NAALADL2: variants seen among roughly 807,000 people sequenced by gnomAD.
The protein encoded by NAALADL2 is inactive N-acetylated-alpha-linked acidic dipeptidase-like protein 2.
A neutral mutation model predicts 87.2 loss-of-function variants in NAALADL2; 76 were observed. The observed-to-expected ratio is 0.87, with a 90% CI of 0.72 to 1.05. The LOEUF is 1.05. Ranked by LOEUF, NAALADL2 falls within the 50% of genes least tolerant of loss-of-function variation. The pLI is 0.00. For synonymous variants in NAALADL2, 354 were observed against 331.0 expected (o/e 1.07, Z -0.75); for missense variants, 1,089 against 945.8 (o/e 1.15, Z -1.99).
chr3:175,237,532 C>T (rs1746110744), intron 3 of NAALADL2, among the ~76,000 whole-genome samples: 1 of 152,092 alleles, frequency 6.6e-6, no homozygotes, highest in African/African-American at 2.4e-5. Flanking sequence ...GAGTTGTATT[C>T]TCAGCATTTT....
At chr3:174,610,932 T>C (rs1036133467) in intron 2 of NAALADL2, among the ~76,000 whole-genome samples, 1 of 152,088 alleles carries the variant, frequency 6.6e-6, no homozygotes, top group Non-Finnish European at 1.5e-5. Flanking sequence ...CCAACAGTGA[T>C]AGACTGGATT....
At chr3:175,695,138 T>C (rs1419011321) in intron 11 of NAALADL2, among the ~76,000 whole-genome samples, 1 of 152,014 alleles carries the variant, frequency 6.6e-6, no homozygotes, top group Non-Finnish European at 1.5e-5. Flanking sequence ...TGCAATTTTA[T>C]GTAGAGTAAT....
intron 2 of NAALADL2, among the ~76,000 whole-genome samples, chr3:174,604,152 G>C (rs1329941058): frequency 6.6e-6 from 1 of 152,132 alleles, no homozygotes; most frequent in East Asian, 1.9e-4. Context: ...AGTGCTGAAA[G>C]TGAGATGTGC....
At chr3:174,960,223 C>A (rs1741777709) in intron 1 of NAALADL2, among the ~76,000 whole-genome samples, 1 of 152,020 alleles carries the variant, frequency 6.6e-6, no homozygotes, top group Non-Finnish European at 1.5e-5. Context: ...CATCATCATC[C>A]TCATCTATAA....
intron 5 of NAALADL2, among the ~76,000 whole-genome samples, chr3:175,439,309 C>A (rs1237421175): frequency 1.3e-5 from 2 of 150,650 alleles, no homozygotes; most frequent in Non-Finnish European, 2.9e-5. Flanking sequence ...CATGCATGTG[C>A]AAGTATTTTT....
intron 2 of NAALADL2, among the ~76,000 whole-genome samples, chr3:175,148,120 T>TAAG (rs1560090594): frequency 6.8e-6 from 1 of 146,034 alleles, no homozygotes; most frequent in East Asian, 2.0e-4. Context: ...ATAATAATAA[T>TAAG]AATAAAATAA....
intron 2 of NAALADL2, among the ~76,000 whole-genome samples, chr3:174,606,643 A>G (rs1233681984): frequency 6.6e-6 from 1 of 152,202 alleles, no homozygotes; most frequent in East Asian, 1.9e-4. Context: ...AGAAATGAAC[A>G]AAGCCTCCAA....
chr3:175,596,079 GT>G (rs1722209061), intron 10 of NAALADL2, among the ~76,000 whole-genome samples: 1 of 151,718 alleles, frequency 6.6e-6, no homozygotes, highest in Non-Finnish European at 1.5e-5. Flanking sequence ...TTTTAATTCT[GT>G]TTTTTAAAAA....
At chr3:174,774,607 T>A (rs1298131617) in intron 3 of NAALADL2, among the ~76,000 whole-genome samples, 1 of 152,168 alleles carries the variant, frequency 6.6e-6, no homozygotes, top group Non-Finnish European at 1.5e-5. Context: ...TAAGTACATG[T>A]CTTTTTCCTG....
At chr3:175,667,211 G>GAAAAGAAAGAAAGAAAGAA (rs1351334594) in intron 11 of NAALADL2, among the ~76,000 whole-genome samples, 2 of 121,526 alleles carry the variant, frequency 1.6e-5, no homozygotes, top group African/African-American at 9.1e-5. Flanking sequence ...AAGAAAGAAA[G>GAAAAGAAAGAAAGAAAGAA]AAAGAAAGAA....
At chr3:174,855,821 T>C (rs112619910), upstream of NAALADL2, among the ~76,000 whole-genome samples, 4,160 of 132,850 alleles carry the variant, frequency 0.031, 266 homozygotes, top group African/African-American at 0.12. Flanking sequence ...CACACACACA[T>C]GTATATGTCT....
At chr3:174,749,260 AATC>A (rs779429995) in intron 3 of NAALADL2, among the ~76,000 whole-genome samples, 16 of 152,280 alleles carry the variant, frequency 1.1e-4, no homozygotes, top group Non-Finnish European at 2.1e-4. Context: ...TCTGTTTTGT[AATC>A]ATTCTCATTT....
intron 1 of NAALADL2, among the ~76,000 whole-genome samples, chr3:174,548,318 A>C (rs1358285833): frequency 6.6e-6 from 1 of 152,188 alleles, no homozygotes. Context: ...GTGAAAAAAC[A>C]GAATGCAGAA....
intron 11 of NAALADL2, among the ~76,000 whole-genome samples, chr3:175,639,472 C>T (rs189689915): frequency 4.2e-4 from 64 of 152,058 alleles, no homozygotes; most frequent in African/African-American, 1.5e-3. Context: ...AGGTGCCTGC[C>T]ACCAAGCCCG....
rs183339033 is a variant in NAALADL2 at position 174,632,671 on chromosome 3, C to G, written c.-115+82034C>G. Among the ~76,000 whole-genome samples the G allele has an allele frequency of 3.7e-3, 557 of 152,212 alleles. 6 individuals are homozygous for G. Among genetic ancestry groups the G allele is most frequent in the Non-Finnish European group, 4.4e-3 (302 of 67,996 alleles). On this transcript the variant is annotated intron_variant, in intron 2 of 3. Transcript: ENST00000434257. ...TCAGCACAGGCTGGGTGCAGTGGCTCATGCCTGTAATCCCAGCACTTTGGG... is the reference window on the plus strand; with the variant it reads ...TCAGCACAGGCTGGGTGCAGTGGCTGATGCCTGTAATCCCAGCACTTTGGG...
At chr3:174,708,273 G>C (rs1730289311) in intron 2 of NAALADL2, among the ~76,000 whole-genome samples, 1 of 152,128 alleles carries the variant, frequency 6.6e-6, no homozygotes, top group Non-Finnish European at 1.5e-5. Flanking sequence ...TTTTAGCAAA[G>C]TAATGAGACT....
chr3:174,676,718 T>C (rs1727073978), intron 2 of NAALADL2, among the ~76,000 whole-genome samples: 1 of 151,874 alleles, frequency 6.6e-6, no homozygotes. Flanking sequence ...TTAGTATATA[T>C]TTATTGTCAT....
intron 1 of NAALADL2, among the ~76,000 whole-genome samples, chr3:174,473,251 G>C (rs1242312802): frequency 6.6e-6 from 1 of 152,090 alleles, no homozygotes; most frequent in Non-Finnish European, 1.5e-5. Flanking sequence ...CCTGGTTACT[G>C]TTTGAGGATT....
intron 1 of NAALADL2, among the ~76,000 whole-genome samples, chr3:174,452,686 T>C (rs1346188401): frequency 6.6e-6 from 1 of 151,542 alleles, no homozygotes. Context: ...CTTAAAATCC[T>C]CCAGAAGCCA....
Sources: gnomAD v4.1 joint callset for allele counts (sites outside exome capture counted in the v4.1 genomes callset) on GRCh38, gnomAD v4.1.1 for gene constraint, MANE v1.5 for transcripts, NCBI Gene and HGNC (gene_info 2026-07-23, HGNC 2026-07-21) for gene names.